Variants in EXOC6B observed in about 807,000 individuals in gnomAD.
The protein encoded by EXOC6B is SEC15 homolog B.
In EXOC6B, 54 loss-of-function variants were observed where a neutral mutation model predicts 113.5. The ratio of observed to expected loss-of-function variants is 0.48; its 90% CI spans 0.38 to 0.60. The LOEUF (loss-of-function observed/expected upper bound fraction) is 0.60, where lower values mean the gene tolerates loss of function less well. Among genes scored for constraint, EXOC6B ranks in the 20% least tolerant of loss-of-function variants. The pLI is 0.00. For synonymous variants in EXOC6B, 357 were observed against 339.0 expected (o/e 1.05, Z -0.58); for missense variants, 797 against 977.5 (o/e 0.82, Z 2.46).
chr2:72,333,504 G>A (rs1012865988), intron 20 of EXOC6B, among the ~76,000 whole-genome samples: 1 of 152,022 alleles, frequency 6.6e-6, no homozygotes, highest in African/African-American at 2.4e-5. Flanking sequence ...AGGGTGGGAG[G>A]GAATCCAACA....
At chr2:72,661,741 T>C (rs1675032879) in intron 6 of EXOC6B, among the ~76,000 whole-genome samples, 1 of 151,990 alleles carries the variant, frequency 6.6e-6, no homozygotes, top group Non-Finnish European at 1.5e-5. Context: ...ACCAGAATGT[T>C]AAAAACAATT....
chr2:72,382,583 T>C lies in EXOC6B; in HGVS notation c.1981-2713A>G, dbSNP rs1691753529. Among the ~76,000 whole-genome samples, 4 of 152,202 alleles carry C rather than the reference T, an allele frequency of 2.6e-5. No individual in the cohort carries two copies. The South Asian group carries it at 8.3e-4, about 31-fold the overall frequency. ...GTGAAGAATGTTATAAATAGTTTGA[T>C]AGGAGCAGCATTGAATCTGTAAATT... On this transcript the variant is annotated intron_variant, in intron 18 of 21. Coordinates refer to ENST00000272427, the MANE Select transcript of EXOC6B (RefSeq NM_015189.3).
chr2:72,260,324 G>A (rs569186693), intron 20 of EXOC6B, among the ~76,000 whole-genome samples: 5 of 152,144 alleles, frequency 3.3e-5, no homozygotes, highest in Non-Finnish European at 7.4e-5. Context: ...AGGTTGATGA[G>A]GGCATTAAGA....
chr2:72,401,598 T>A, intron 18 of EXOC6B, among the ~76,000 whole-genome samples: 1 of 40,794 alleles, frequency 2.5e-5, no homozygotes, highest in African/African-American at 2.9e-4. Context: ...TATATATATA[T>A]ATATGTGTAT....
At chr2:72,592,394 G>A (rs907959165) in intron 6 of EXOC6B, among the ~76,000 whole-genome samples, 6 of 152,142 alleles carry the variant, frequency 3.9e-5, no homozygotes, top group African/African-American at 1.4e-4. Context: ...ACTTTGGGTT[G>A]GAGCCCTGAA....
At chr2:72,330,483 C>T (rs925631180) in intron 20 of EXOC6B, among the ~76,000 whole-genome samples, 7 of 151,988 alleles carry the variant, frequency 4.6e-5, no homozygotes, top group African/African-American at 1.7e-4. Context: ...ACATACAAAA[C>T]ACCCATGTTT....
At chr2:72,681,488 C>T (rs1035615192) in intron 6 of EXOC6B, among the ~76,000 whole-genome samples, 5 of 152,138 alleles carry the variant, frequency 3.3e-5, no homozygotes, top group African/African-American at 9.7e-5. Flanking sequence ...ATAATAAGGG[C>T]TTTCAATTAC....
rs571871107 is a variant in EXOC6B at position 72,367,515 on chromosome 2, T to C, written c.2122+12214A>G. 2.6e-3 allele frequency among the ~76,000 whole-genome samples: 376 copies of C among 142,418 alleles called. 2 individuals are homozygous for C. Among genetic ancestry groups the C allele is most frequent in the African/African-American group, 8.6e-3 (346 of 40,054 alleles). 93.4% of individuals were successfully genotyped at this position (142,418 alleles called of 152,430 possible). On this transcript the variant is annotated intron_variant, in intron 19 of 21. Transcript: ENST00000272427. The stretch of plus-strand genomic sequence containing the variant: ...ATTCCTCCCTCCCCAACCCCACCCC[T>C]GCAGGAACACCAAATTTTAACAACT...
chr2:72,495,303 G>A lies in EXOC6B; in HGVS notation c.1553+127C>T. 2 of 563,460 alleles carry A rather than the reference G, an allele frequency of 3.5e-6. 1 individual carries two copies. The highest frequency in any genetic ancestry group is 5.6e-5 in the South Asian group (2 of 35,816). 34.9% of individuals were successfully genotyped at this position (563,460 alleles called of 1,614,324 possible). ...TATAGAAATACAGCAGTGCCATGCAGTGAAAAGCTAATTATTAAGATTTCC... is the reference window on the plus strand; with the variant it reads ...TATAGAAATACAGCAGTGCCATGCAATGAAAAGCTAATTATTAAGATTTCC... On this transcript the variant is annotated intron_variant, in intron 15 of 21. Transcript: ENST00000272427.
intron 8 of EXOC6B, among the ~76,000 whole-genome samples, chr2:72,549,927 C>T (rs1281826265): frequency 6.6e-6 from 1 of 151,850 alleles, no homozygotes; most frequent in Admixed American, 6.6e-5. Flanking sequence ...AATTATAAGG[C>T]AAAAATGATC....
chr2:72,595,538 A>G (rs565463204), intron 6 of EXOC6B, among the ~76,000 whole-genome samples: 42 of 151,936 alleles, frequency 2.8e-4, no homozygotes, highest in Admixed American at 8.5e-4. Context: ...ATGCTTTTAT[A>G]AAGTAATATG....
At chr2:72,463,471 T>TGTGGGCATTTGAGGAAC (rs1262579217) in intron 18 of EXOC6B, 3 of 152,028 alleles carry the variant, frequency 2.0e-5, no homozygotes, top group African/African-American at 7.2e-5. Context: ...CAGCTTTCCT[T>TGTGGGCATTTGAGGAAC]GTGGGCATTT....
chr2:72,700,622 C>T (rs1440611214), intron 6 of EXOC6B, among the ~76,000 whole-genome samples: 5 of 152,140 alleles, frequency 3.3e-5, no homozygotes, highest in African/African-American at 9.7e-5. Context: ...TTGACGACTG[C>T]ACAACCATGT....
chr2:72,395,771 C>T (rs1440331871), intron 18 of EXOC6B, among the ~76,000 whole-genome samples: 1 of 152,050 alleles, frequency 6.6e-6, no homozygotes, highest in African/African-American at 2.4e-5. Flanking sequence ...TTAGACTGAT[C>T]TTCCTCAGTA....
chr2:72,605,151 C>T (rs554746799), intron 6 of EXOC6B, among the ~76,000 whole-genome samples: 24 of 151,698 alleles, frequency 1.6e-4, no homozygotes, highest in African/African-American at 5.1e-4. Flanking sequence ...GGTGTGATGG[C>T]GGGTGCTTGT....
chr2:72,392,912 A>G (rs985548401), intron 18 of EXOC6B, among the ~76,000 whole-genome samples: 1 of 152,112 alleles, frequency 6.6e-6, no homozygotes, highest in Non-Finnish European at 1.5e-5. Context: ...CTGTGGGCCC[A>G]ATTCTCAATG....
intron 1 of EXOC6B, among the ~76,000 whole-genome samples, chr2:72,798,938 C>T (rs1395425499): frequency 6.6e-6 from 1 of 151,998 alleles, no homozygotes; most frequent in Non-Finnish European, 1.5e-5. Flanking sequence ...ATTTGACCTA[C>T]ATATAAAATG....
rs557916434 is a variant in EXOC6B at position 72,368,816 on chromosome 2, C to G, written c.2122+10913G>C. Among the ~76,000 whole-genome samples, 408 of 152,224 alleles carry G rather than the reference C, an allele frequency of 2.7e-3. 3 individuals are homozygous for G. The highest frequency in any genetic ancestry group is 7.0e-3 in the Admixed American group (107 of 15,284). The stretch of plus-strand genomic sequence containing the variant: ...AAGGCCTTTGAAAAAATTCAACAGC[C>G]CTTCATGCTAAAAACTCTCAATAAA... On this transcript the variant is annotated intron_variant, in intron 19 of 21. Coordinates refer to ENST00000272427, the MANE Select transcript of EXOC6B (RefSeq NM_015189.3).
At chr2:72,400,287 T>C (rs1234013692) in intron 18 of EXOC6B, among the ~76,000 whole-genome samples, 1 of 152,064 alleles carries the variant, frequency 6.6e-6, no homozygotes, top group East Asian at 1.9e-4. Flanking sequence ...TAACTTAAGA[T>C]GGATTAAAGA....
Sources: allele counts gnomAD v4.1 joint callset (sites outside exome capture counted in the v4.1 genomes callset), GRCh38; gene constraint gnomAD v4.1.1; transcripts MANE v1.5; gene names NCBI Gene and HGNC (gene_info 2026-07-23, HGNC 2026-07-21).